Variants in KIF26B observed in about 807,000 individuals in gnomAD.
KIF26B encodes the protein kinesin family member 26B.
Under a neutral mutation model 151.2 loss-of-function variants are expected in KIF26B, and 63 were observed. The ratio of observed to expected loss-of-function variants is 0.42; its 90% CI spans 0.34 to 0.51. The LOEUF (loss-of-function observed/expected upper bound fraction) is 0.51. Among genes scored for constraint, KIF26B ranks in the 20% least tolerant of loss-of-function variants. The pLI is 0.07. For missense variants in KIF26B, 2,813 were observed against 2,913.6 expected (o/e 0.97, Z 0.79); for synonymous variants, 1,357 against 1,262.1 (o/e 1.08, Z -1.59).
At chr1:245,362,855 G>A (rs370739988) in intron 2 of KIF26B, among the ~76,000 whole-genome samples, 17 of 152,178 alleles carry the variant, frequency 1.1e-4, no homozygotes, top group Admixed American at 1.0e-3. Flanking sequence ...AGATAAGAGT[G>A]TTCTAAGTAT....
Position 245,158,838 on chromosome 1 carries a change from T to TTGTG in KIF26B, c.465+2184_465+2187dup, listed in dbSNP as rs10656316. On this transcript the variant is annotated intron_variant, in intron 2 of 14. Coordinates refer to ENST00000407071, the MANE Select transcript of KIF26B (RefSeq NM_018012.4). ...TTCTGCAAGCCTTTGTGAATAATAATTGTGTGTGTGTGTGTGTGTGTGTGT... is the reference window on the plus strand; with the variant it reads ...TTCTGCAAGCCTTTGTGAATAATAATTGTGTGTGTGTGTGTGTGTGTGTGTGTGT... 5.1e-3 allele frequency among the ~76,000 whole-genome samples: 760 copies of TTGTG among 149,036 alleles called. 5 individuals carry two copies. Among genetic ancestry groups the TTGTG allele is most frequent in the African/African-American group, 0.017 (699 of 40,358 alleles).
At chr1:245,546,379 T>A (rs2103106092) in intron 5 of KIF26B, among the ~76,000 whole-genome samples, 1 of 152,278 alleles carries the variant, frequency 6.6e-6, no homozygotes, top group South Asian at 2.1e-4. Flanking sequence ...CGGTAGCTGT[T>A]ATTCACTCAG....
chr1:245,277,374 G>A (rs1318762706), intron 2 of KIF26B, among the ~76,000 whole-genome samples: 4 of 152,130 alleles, frequency 2.6e-5, no homozygotes, highest in Admixed American at 2.0e-4. Context: ...CTGTATCTAC[G>A]GCTGTTATCC....
intron 2 of KIF26B, among the ~76,000 whole-genome samples, chr1:245,262,628 T>A (rs1404705201): frequency 1.3e-5 from 2 of 152,026 alleles, no homozygotes; most frequent in Non-Finnish European, 2.9e-5. Context: ...CTAACTTTTG[T>A]ATTTTCAGGA....
At chr1:245,509,856 C>T (rs991201451) in intron 4 of KIF26B, among the ~76,000 whole-genome samples, 1 of 152,190 alleles carries the variant, frequency 6.6e-6, no homozygotes, top group African/African-American at 2.4e-5. Context: ...CTCCCTTCTC[C>T]CTTCCTGCCT....
chr1:245,679,728 C>T (rs2044407669), intron 10 of KIF26B, among the ~76,000 whole-genome samples: 1 of 152,140 alleles, frequency 6.6e-6, no homozygotes, highest in African/African-American at 2.4e-5. Context: ...CTCAGCCTCT[C>T]AAAGTGTGGG....
chr1:245,405,052 T>C (rs1674101931), intron 3 of KIF26B, among the ~76,000 whole-genome samples: 1 of 152,256 alleles, frequency 6.6e-6, no homozygotes, highest in Non-Finnish European at 1.5e-5. Flanking sequence ...CATATTTTAT[T>C]AATCCTCCAA....
At chr1:245,456,493 G>T (rs1366883464) in intron 4 of KIF26B, among the ~76,000 whole-genome samples, 1 of 152,182 alleles carries the variant, frequency 6.6e-6, no homozygotes, top group Non-Finnish European at 1.5e-5. Context: ...TGCGATCTTT[G>T]CGTATTTGAT....
intron 4 of KIF26B, among the ~76,000 whole-genome samples, chr1:245,447,182 C>T (rs560013005): frequency 2.0e-4 from 30 of 152,274 alleles, no homozygotes; most frequent in Admixed American, 7.2e-4. Flanking sequence ...CTGTGGTGCC[C>T]GTGGCCCATC....
At chr1:245,293,691 G>T (rs571075191) in intron 2 of KIF26B, among the ~76,000 whole-genome samples, 7 of 150,782 alleles carry the variant, frequency 4.6e-5, no homozygotes, top group Non-Finnish European at 8.8e-5. Flanking sequence ...CAATTCTCCT[G>T]CCTTAGCCTC....
chr1:245,656,209 G>A (rs1483110217), intron 10 of KIF26B, among the ~76,000 whole-genome samples: 2 of 140,476 alleles, frequency 1.4e-5, no homozygotes, highest in Non-Finnish European at 1.5e-5. Context: ...GCACATCAGC[G>A]CTGAATCGGC....
intron 5 of KIF26B, among the ~76,000 whole-genome samples, chr1:245,599,524 C>G (rs1469184180): frequency 6.6e-6 from 1 of 152,212 alleles, no homozygotes; most frequent in Non-Finnish European, 1.5e-5. Context: ...CCTTGTCAGC[C>G]CTCGCCTGGC....
At chr1:245,410,317 C>A (rs1311994199) in intron 3 of KIF26B, among the ~76,000 whole-genome samples, 15 of 152,178 alleles carry the variant, frequency 9.9e-5, no homozygotes, top group Admixed American at 9.8e-4. Flanking sequence ...GGGTTCTTGG[C>A]CCTCTTCTCT....
chr1:245,678,367 C>T (rs373308077), intron 10 of KIF26B, among the ~76,000 whole-genome samples: 16 of 152,110 alleles, frequency 1.1e-4, no homozygotes, highest in East Asian at 1.9e-4. Context: ...CGTTCTGGCA[C>T]GTTGCAGGTG....
At chr1:245,437,295 T>C (rs1658959725) in intron 4 of KIF26B, among the ~76,000 whole-genome samples, 1 of 152,214 alleles carries the variant, frequency 6.6e-6, no homozygotes, top group African/African-American at 2.4e-5. Context: ...TTCCATCCTT[T>C]GTTCCTCAGT....
chr1:245,447,792 A>G (rs1266835282), intron 4 of KIF26B, among the ~76,000 whole-genome samples: 2 of 152,212 alleles, frequency 1.3e-5, no homozygotes, highest in African/African-American at 4.8e-5. Context: ...AAATTTCTGC[A>G]TAAACTACCC....
chr1:245,370,132 A>C (rs1673077753), intron 3 of KIF26B, among the ~76,000 whole-genome samples: 1 of 152,180 alleles, frequency 6.6e-6, no homozygotes, highest in African/African-American at 2.4e-5. Flanking sequence ...TAAACTATGT[A>C]ACATTTGGGG....
intron 2 of KIF26B, among the ~76,000 whole-genome samples, chr1:245,171,120 C>T (rs939274132): frequency 4.6e-5 from 7 of 152,126 alleles, no homozygotes; most frequent in African/African-American, 1.7e-4. Context: ...GATGGTTTTT[C>T]CACGGACATT....
intron 2 of KIF26B, among the ~76,000 whole-genome samples, chr1:245,161,841 G>A (rs1000562343): frequency 1.3e-5 from 2 of 152,102 alleles, no homozygotes; most frequent in Non-Finnish European, 2.9e-5. Context: ...GAGAGGCACC[G>A]GCTCGAGATG....
Sources: gnomAD v4.1 joint callset for allele counts (sites outside exome capture counted in the v4.1 genomes callset) on GRCh38, gnomAD v4.1.1 for gene constraint, MANE v1.5 for transcripts, NCBI Gene and HGNC (gene_info 2026-07-23, HGNC 2026-07-21) for gene names.